Variants in MMP16 observed in about 807,000 individuals in gnomAD.
MMP16 encodes the protein matrix metalloproteinase-16.
A neutral mutation model predicts 67.8 loss-of-function variants in MMP16; 12 were observed. The observed-to-expected ratio is 0.18, with a 90% CI of 0.11 to 0.29. MMP16 has a LOEUF of 0.29. MMP16 is among the 10% of genes least tolerant of loss of function. The pLI is 1.00. For synonymous variants in MMP16, 249 were observed against 255.9 expected (o/e 0.97, Z 0.26); for missense variants, 475 against 765.7 (o/e 0.62, Z 4.48).
chr8:88,107,077 G>T (rs10089111), intron 6 of MMP16, among the ~76,000 whole-genome samples: 64,092 of 150,728 alleles, frequency 0.43, 14,009 homozygotes, highest in African/African-American at 0.54. Flanking sequence ...TGATCCACCT[G>T]GGAATTTACT....
chr8:88,254,935 T>A (rs1393037933), intron 1 of MMP16, among the ~76,000 whole-genome samples: 1 of 152,216 alleles, frequency 6.6e-6, no homozygotes, highest in African/African-American at 2.4e-5. Flanking sequence ...AAACTCCTTT[T>A]GGAGAATATA....
chr8:88,078,210 A>G (rs1454901239), intron 6 of MMP16, among the ~76,000 whole-genome samples: 1 of 152,158 alleles, frequency 6.6e-6, no homozygotes, highest in East Asian at 1.9e-4. Context: ...TGCAAAGTCA[A>G]GTTGTGAAAA....
At chr8:88,129,788 T>A (rs1321585347) in intron 4 of MMP16, among the ~76,000 whole-genome samples, 1 of 151,646 alleles carries the variant, frequency 6.6e-6, no homozygotes, top group Admixed American at 6.6e-5. Flanking sequence ...ATGTATTTTT[T>A]AGAGTAGGTT....
At chr8:88,090,310 A>T (rs13248947) in intron 6 of MMP16, among the ~76,000 whole-genome samples, 12,848 of 152,016 alleles carry the variant, frequency 0.085, 770 homozygotes, top group Middle Eastern at 0.17. Context: ...TGTGTAAAGC[A>T]AATACTATTT....
At chr8:88,206,703 T>C (rs1174250833) in intron 1 of MMP16, among the ~76,000 whole-genome samples, 1 of 152,338 alleles carries the variant, frequency 6.6e-6, no homozygotes, top group Middle Eastern at 3.4e-3. Flanking sequence ...AGTGTTTTGG[T>C]CTTTATTTAG....
intron 4 of MMP16, among the ~76,000 whole-genome samples, chr8:88,161,047 T>C (rs1402007556): frequency 6.6e-6 from 1 of 152,180 alleles, no homozygotes; most frequent in Non-Finnish European, 1.5e-5. Context: ...GGTATCAGGA[T>C]GATGCTGGCC....
chr8:88,270,283 T>C (rs192963839), intron 1 of MMP16, among the ~76,000 whole-genome samples: 3 of 152,308 alleles, frequency 2.0e-5, no homozygotes, highest in African/African-American at 7.2e-5. Context: ...TTTAGAAATC[T>C]TGATACTACA....
Position 88,041,342 on chromosome 8 carries a change from G to T in MMP16, c.*119C>A. 9.8e-7 allele frequency: 1 copy of T among 1,020,924 alleles called. No individual in the cohort carries two copies. The highest frequency in any genetic ancestry group is 1.5e-6 in the Non-Finnish European group (1 of 684,870). 63.2% of individuals were successfully genotyped at this position (1,020,924 alleles called of 1,614,324 possible). The stretch of plus-strand genomic sequence containing the variant: ...GCAACCCTCTGGGTTTGAAAGGTCA[G>T]CCCCGAATCAGGCTGCCACAAGCCT... On this transcript the variant is annotated 3_prime_UTR_variant, in exon 10 of 10. Transcript: ENST00000286614. This position sits in a 1 kb window ranked among gnomAD's most constrained non-coding sequence, Gnocchi z 6.0.
intron 4 of MMP16, among the ~76,000 whole-genome samples, chr8:88,136,881 AC>A (rs2118491082): frequency 6.6e-6 from 1 of 151,444 alleles, no homozygotes; most frequent in African/African-American, 2.4e-5. Flanking sequence ...TTCACTCCCC[AC>A]CCCCTACTAA....
intron 7 of MMP16, among the ~76,000 whole-genome samples, chr8:88,072,415 A>T (rs937049418): frequency 6.6e-6 from 1 of 152,118 alleles, no homozygotes; most frequent in African/African-American, 2.4e-5. Flanking sequence ...GGAGAGCTAC[A>T]GGTCATAGCT....
chr8:88,087,957 A>C (rs1295701228), intron 6 of MMP16, among the ~76,000 whole-genome samples: 5 of 132,218 alleles, frequency 3.8e-5, no homozygotes, highest in Admixed American at 3.4e-4. Context: ...AAAAAACCAA[A>C]CAAACAAAAA....
At chr8:88,203,311 C>T (rs1809374008) in intron 1 of MMP16, among the ~76,000 whole-genome samples, 1 of 151,774 alleles carries the variant, frequency 6.6e-6, no homozygotes, top group South Asian at 2.1e-4. Context: ...AACATGTTGG[C>T]CAGGATGGTC....
chr8:88,141,970 A>C (rs1190553362), intron 4 of MMP16, among the ~76,000 whole-genome samples: 1 of 151,386 alleles, frequency 6.6e-6, no homozygotes, highest in African/African-American at 2.4e-5. Flanking sequence ...GTTAGAGTGC[A>C]GTGGCACCAT....
At chr8:88,166,688 C>CATATATATATATATATAT (rs1166566212) in intron 4 of MMP16, among the ~76,000 whole-genome samples, 2 of 58,392 alleles carry the variant, frequency 3.4e-5, no homozygotes, top group East Asian at 8.1e-4. Flanking sequence ...CAAAAAATTA[C>CATATATATATATATATAT]ATATATATAT....
At chr8:88,282,092 G>C (rs201378472) in intron 1 of MMP16, among the ~76,000 whole-genome samples, 2 of 119,906 alleles carry the variant, frequency 1.7e-5, no homozygotes, top group African/African-American at 5.8e-5. Context: ...TGGGGGGGGG[G>C]GGGCGACGGG....
chr8:88,288,395 T>C (rs1372082614), intron 1 of MMP16, among the ~76,000 whole-genome samples: 1 of 152,148 alleles, frequency 6.6e-6, no homozygotes, highest in African/African-American at 2.4e-5. Context: ...CCAGGTGCTA[T>C]ATCAGATGAC....
At chr8:88,077,910 T>C (rs1808677537) in intron 6 of MMP16, among the ~76,000 whole-genome samples, 1 of 152,096 alleles carries the variant, frequency 6.6e-6, no homozygotes, top group Admixed American at 6.6e-5. Flanking sequence ...AAGAAAAAAA[T>C]ACATTTGGTT....
chr8:88,062,679 G>A (rs1481137465), intron 7 of MMP16, among the ~76,000 whole-genome samples: 1 of 151,920 alleles, frequency 6.6e-6, no homozygotes, highest in East Asian at 1.9e-4. Flanking sequence ...AGTGGGGAGG[G>A]ATAGCATTAG....
At chr8:88,064,064 G>C (rs988426714) in intron 7 of MMP16, among the ~76,000 whole-genome samples, 3 of 152,022 alleles carry the variant, frequency 2.0e-5, no homozygotes, top group African/African-American at 7.2e-5. Flanking sequence ...GCTGCCACCT[G>C]TTCTTGTAAA....
Sources: gnomAD v4.1 joint callset for allele counts (sites outside exome capture counted in the v4.1 genomes callset) on GRCh38, gnomAD v4.1.1 for gene constraint, Gnocchi (gnomAD v3.1) non-coding constraint, MANE v1.5 for transcripts, NCBI Gene and HGNC (gene_info 2026-07-23, HGNC 2026-07-21) for gene names.